The following ZNF236 variants were observed in gnomAD, a reference collection of about 807,000 sequenced individuals.
ZNF236 encodes the protein zinc finger protein 236, also known as regulated by glucose.
ZNF236 carries 50 observed loss-of-function variants against 191.2 expected under a neutral mutation model. That is an observed-to-expected ratio of 0.26 (90% CI 0.21 to 0.33). The LOEUF is 0.33. Ranked by LOEUF, ZNF236 falls within the 10% of genes least tolerant of loss-of-function variation. The pLI, the probability that ZNF236 is intolerant of heterozygous loss-of-function variation, is 1.00. For synonymous variants in ZNF236, 907 were observed against 928.8 expected (o/e 0.98, Z 0.43); for missense variants, 1,754 against 2,374.5 (o/e 0.74, Z 5.43).
intron 3 of ZNF236, among the ~76,000 whole-genome samples, chr18:76,855,275 A>G (rs1046414015): frequency 2.6e-5 from 4 of 152,204 alleles, no homozygotes; most frequent in African/African-American, 9.7e-5. Context: ...GTATTAATAT[A>G]TTTTGGAATA....
chr18:76,937,270 C>T lies in ZNF236; in HGVS notation c.4709C>T (p.Thr1570Met), dbSNP rs771786580. The T allele has an allele frequency of 1.4e-5, 23 of 1,614,168 alleles. No homozygotes were observed. Among genetic ancestry groups the T allele is most frequent in the Non-Finnish European group, 1.9e-5 (22 of 1,180,030 alleles). ...GGCGTGGGAGGTGACGCTAGTGTCA[C>T]GCTGACGCTGGCCGATACTCAGGGT... ...SSGVGGDASV[T>M]LTLADTQGML... The change falls in exon 26 of 31, where the codon ACG (threonine) becomes ATG (methionine). Residue 1570 changes from threonine to methionine, a missense_variant. Transcript: ENST00000320610.
At chr18:76,933,190 C>T (rs750838406) in intron 25 of ZNF236, among the ~76,000 whole-genome samples, 6 of 152,154 alleles carry the variant, frequency 3.9e-5, no homozygotes, top group Non-Finnish European at 7.3e-5. Context: ...CAGCCGAGGC[C>T]GGGCATGGTG....
In ZNF236 at chr18:76,920,092, C is replaced by T. The variant is rs73488930; in HGVS notation, c.3557+34C>T. 6.6e-3 allele frequency: 10,400 copies of T among 1,587,328 alleles called. 138 individuals are homozygous for T. Among genetic ancestry groups the T allele is most frequent in the African/African-American group, 0.057 (4,225 of 74,300 alleles). ...ATGGCTACGCCGCGCGGGTTCCGCT[C>T]TGAAGACTGGAGGTGCAGGCAGCTG... On this transcript the variant is annotated intron_variant, in intron 20 of 30. Coordinates refer to ENST00000320610, the MANE Select transcript of ZNF236 (RefSeq NM_001306089.2).
intron 3 of ZNF236, among the ~76,000 whole-genome samples, chr18:76,863,737 T>C (rs1323457114): frequency 2.0e-5 from 3 of 152,068 alleles, no homozygotes; most frequent in Admixed American, 6.5e-5. Flanking sequence ...ACAAATTCTA[T>C]ATGTGGTAAA....
At chr18:76,837,437 CTTT>C (rs71760598) in intron 1 of ZNF236, among the ~76,000 whole-genome samples, 15 of 105,872 alleles carry the variant, frequency 1.4e-4, no homozygotes, top group Admixed American at 1.4e-3. Context: ...TTTTCTTTTT[CTTT>C]TTTTTTTTTT....
chr18:76,860,390 T>C (rs994565067), intron 3 of ZNF236, among the ~76,000 whole-genome samples: 2 of 152,248 alleles, frequency 1.3e-5, no homozygotes, highest in African/African-American at 4.8e-5. Flanking sequence ...AATACTTCAC[T>C]GTGATTTCCT....
rs151294291 is a variant in ZNF236, at chr18:76,899,136, G to A, written c.1808G>A (p.Arg603His). Residue 603 changes from arginine to histidine, a missense_variant, in exon 11 of 31, where the codon CGT (arginine) becomes CAT (histidine). This residue lies in a region of ZNF236 where 641 missense variants were observed against 869.6 expected (regional missense o/e 0.74). Transcript: ENST00000320610. ...HTELRKMRHQ[R>H]KPAKVRVGKT... ...GAATTAAGGAAAATGAGGCACCAGC[G>A]TAAACCTGCAAAGGTCCGTGTTGGC... 2.8e-4 allele frequency: 447 copies of A among 1,614,136 alleles called. 3 individuals are homozygous for A. The African/African-American group carries it at 5.1e-3, about 18-fold the overall frequency.
At chr18:76,929,323 G>T (rs556595688) in intron 25 of ZNF236, among the ~76,000 whole-genome samples, 1 of 152,094 alleles carries the variant, frequency 6.6e-6, no homozygotes, top group Non-Finnish European at 1.5e-5. Context: ...ATATAATTCA[G>T]TAACCTTCCT....
At chr18:76,898,653 A>C (rs549109883) in intron 10 of ZNF236, among the ~76,000 whole-genome samples, 1 of 152,356 alleles carries the variant, frequency 6.6e-6, no homozygotes, top group Non-Finnish European at 1.5e-5. Flanking sequence ...ACGTAATCTC[A>C]GCAGCAGCCC....
intron 3 of ZNF236, among the ~76,000 whole-genome samples, chr18:76,858,006 G>A (rs79640218): frequency 0.026 from 3,920 of 152,142 alleles, 155 homozygotes; most frequent in African/African-American, 0.087. Context: ...ATATTGTGTA[G>A]GGAGGTCTTT....
At chr18:76,934,785 C>T (rs1967951823) in intron 25 of ZNF236, among the ~76,000 whole-genome samples, 1 of 152,262 alleles carries the variant, frequency 6.6e-6, no homozygotes, top group African/African-American at 2.4e-5. Context: ...CCGCCCCCAC[C>T]TCCTGTCTTC....
At chr18:76,920,088 C>T (rs767606876) in intron 20 of ZNF236, 30 bp downstream of exon 20, 45 of 1,590,958 alleles carry the variant, frequency 2.8e-5, no homozygotes, top group Middle Eastern at 2.3e-4. Flanking sequence ...GCGCGGGTTC[C>T]GCTCTGAAGA....
intron 28 of ZNF236, among the ~76,000 whole-genome samples, 155 bp from the exon 29 acceptor site, chr18:76,959,532 C>T (rs1321436126): frequency 2.0e-5 from 3 of 152,148 alleles, no homozygotes; most frequent in African/African-American, 4.8e-5. Flanking sequence ...TTGTCACTAC[C>T]GATGCATTGA....
chr18:76,843,395 C>G (rs1187023177), intron 1 of ZNF236, among the ~76,000 whole-genome samples: 2 of 152,166 alleles, frequency 1.3e-5, no homozygotes, highest in Non-Finnish European at 2.9e-5. Flanking sequence ...CAGAGTTTCA[C>G]CTGATAAAGT....
At chr18:76,862,578 C>A (rs1293292097) in intron 3 of ZNF236, among the ~76,000 whole-genome samples, 1 of 152,168 alleles carries the variant, frequency 6.6e-6, no homozygotes, top group Non-Finnish European at 1.5e-5. Context: ...TCCATCCTCC[C>A]TTAGCAGAAG....
intron 3 of ZNF236, among the ~76,000 whole-genome samples, chr18:76,861,136 G>A (rs911868868): frequency 3.9e-5 from 6 of 152,174 alleles, no homozygotes; most frequent in African/African-American, 1.2e-4. Context: ...CTGTAATAAC[G>A]TGTTGGCAAT....
At position 76,912,299 on chromosome 18, in the gene ZNF236, G is replaced by A. The variant is rs1319065832; in HGVS notation, c.2861G>A (p.Gly954Asp). Residue 954 changes from glycine to aspartate, a missense_variant, in exon 17 of 31, where the codon GGT becomes GAT. Gly to Asp is a moderately conservative substitution (Grantham distance 94). Coordinates refer to ENST00000320610, the MANE Select transcript of ZNF236 (RefSeq NM_001306089.2). ...GAGGAACTGGACCTGCAGGCACAAG[G>A]TTCCCAGTTTCTGGAGGACAACGAG... is the stretch of plus-strand genomic sequence containing the variant. The part of the protein sequence containing the change: ...SQEELDLQAQ[G>D]SQFLEDNEDQ... The A allele has an allele frequency of 6.2e-7, 1 of 1,614,118 alleles. No homozygotes were observed. The highest frequency in any genetic ancestry group is 1.3e-5 in the African/African-American group (1 of 74,948).
At chr18:76,884,367 CT>C (rs1976987501) in intron 9 of ZNF236, among the ~76,000 whole-genome samples, 1 of 150,786 alleles carries the variant, frequency 6.6e-6, no homozygotes, top group South Asian at 2.1e-4. Flanking sequence ...TGCCATTGGA[CT>C]CCAGCCCCGG....
intron 21 of ZNF236, 105 bp downstream of exon 21, chr18:76,923,279 C>T (rs1407993471): frequency 4.6e-5 from 34 of 736,146 alleles, no homozygotes; most frequent in Admixed American, 2.6e-4. Context: ...AATTATAGAA[C>T]GCTTAAAAAT....
Sources: gnomAD v4.1 joint callset for allele counts (sites outside exome capture counted in the v4.1 genomes callset) on GRCh38, gnomAD v4.1.1 for gene constraint, gnomAD v4.1.1 regional missense constraint, MANE v1.5 for transcripts, NCBI Gene and HGNC (gene_info 2026-07-23, HGNC 2026-07-21) for gene names.